Variants in NKAIN3 observed in about 807,000 individuals in gnomAD.
NKAIN3 encodes sodium/potassium-transporting ATPase subunit beta-1-interacting protein 3.
NKAIN3 carries 25 observed loss-of-function variants against 30.2 expected under a neutral mutation model. That is an observed-to-expected ratio of 0.83 (90% CI 0.60 to 1.16). The LOEUF (loss-of-function observed/expected upper bound fraction) is 1.16, where lower values mean the gene tolerates loss of function less well. Among genes scored for constraint, NKAIN3 ranks in the 50% most tolerant of loss-of-function variants. NKAIN3 has a pLI of 0.00. For synonymous variants in NKAIN3, 91 were observed against 89.6 expected (o/e 1.02, Z -0.09); for missense variants, 225 against 254.1 (o/e 0.89, Z 0.78).
At chr8:62,505,407 C>T (rs7007091) in intron 1 of NKAIN3, among the ~76,000 whole-genome samples, 4,748 of 152,114 alleles carry the variant, frequency 0.031, 286 homozygotes, top group African/African-American at 0.11. Context: ...CAAAATTTCT[C>T]CTGGTACTAA....
intron 4 of NKAIN3, among the ~76,000 whole-genome samples, chr8:62,877,349 C>G (rs1353134287): frequency 6.6e-6 from 1 of 152,230 alleles, no homozygotes; most frequent in Non-Finnish European, 1.5e-5. Flanking sequence ...TAGGCGGCCT[C>G]GGAATGGAGG....
intron 4 of NKAIN3, among the ~76,000 whole-genome samples, chr8:62,801,243 C>T (rs1180120908): frequency 6.6e-6 from 1 of 152,232 alleles, no homozygotes; most frequent in Non-Finnish European, 1.5e-5. Flanking sequence ...ATGTCCCTGT[C>T]TGACAGCTTT....
chr8:62,725,258 C>T (rs1242300625), intron 3 of NKAIN3, among the ~76,000 whole-genome samples: 2 of 152,000 alleles, frequency 1.3e-5, no homozygotes, highest in Non-Finnish European at 2.9e-5. Context: ...GCTGTTTGAG[C>T]TCTTTATACA....
At chr8:62,855,472 A>AT (rs1158630917) in intron 4 of NKAIN3, 1 of 1,340,032 alleles carries the variant, frequency 7.5e-7, no homozygotes, top group Non-Finnish European at 1.1e-6. Flanking sequence ...CAAAATCTTC[A>AT]TTATTTTGTT....
intron 5 of NKAIN3, among the ~76,000 whole-genome samples, chr8:62,929,508 G>C (rs1032585889): frequency 3.9e-5 from 6 of 152,156 alleles, no homozygotes; most frequent in African/African-American, 1.4e-4. Flanking sequence ...TAGTCCTAAA[G>C]TCAAAGCCAA....
chr8:62,868,434 A>C (rs1820491590), intron 4 of NKAIN3, among the ~76,000 whole-genome samples: 1 of 151,956 alleles, frequency 6.6e-6, no homozygotes, highest in South Asian at 2.1e-4. Context: ...CATTTATCTG[A>C]ATAATTCAGG....
intron 3 of NKAIN3, among the ~76,000 whole-genome samples, chr8:62,710,020 T>C (rs1396166055): frequency 6.6e-6 from 1 of 152,112 alleles, no homozygotes; most frequent in Non-Finnish European, 1.5e-5. Flanking sequence ...TTCCATGTAT[T>C]TGCATTGTTT....
At chr8:62,593,073 A>G (rs1810708101) in intron 3 of NKAIN3, among the ~76,000 whole-genome samples, 1 of 152,014 alleles carries the variant, frequency 6.6e-6, no homozygotes, top group Non-Finnish European at 1.5e-5. Flanking sequence ...AAAATATTTG[A>G]ACAACACAAA....
intron 1 of NKAIN3, among the ~76,000 whole-genome samples, chr8:62,466,878 G>T (rs369973715): frequency 2.6e-5 from 4 of 151,864 alleles, no homozygotes; most frequent in Non-Finnish European, 4.4e-5. Flanking sequence ...AATTGAAAAG[G>T]CATTACTACT....
chr8:62,563,942 G>A (rs911357333), intron 1 of NKAIN3, among the ~76,000 whole-genome samples: 4 of 152,094 alleles, frequency 2.6e-5, no homozygotes, highest in African/African-American at 7.2e-5. Flanking sequence ...AGTCACTTAA[G>A]TGCACAACCG....
chr8:62,434,150 T>C (rs1458488179), intron 1 of NKAIN3, among the ~76,000 whole-genome samples: 1 of 152,176 alleles, frequency 6.6e-6, no homozygotes, highest in African/African-American at 2.4e-5. Context: ...AGAAGTAGTC[T>C]GATGGAGACT....
At chr8:62,873,640 G>C (rs1820711671) in intron 4 of NKAIN3, among the ~76,000 whole-genome samples, 1 of 151,278 alleles carries the variant, frequency 6.6e-6, no homozygotes, top group African/African-American at 2.4e-5. Flanking sequence ...CAGTATCTCA[G>C]ACCACAGTAT....
intron 4 of NKAIN3, among the ~76,000 whole-genome samples, chr8:62,889,836 G>A (rs189465176): frequency 3.3e-5 from 5 of 152,144 alleles, no homozygotes; most frequent in South Asian, 2.1e-4. Context: ...TGGGATGAGC[G>A]TGGCATAACT....
At chr8:62,334,482 T>G (rs975046640) in intron 1 of NKAIN3, among the ~76,000 whole-genome samples, 1 of 152,114 alleles carries the variant, frequency 6.6e-6, no homozygotes, top group Non-Finnish European at 1.5e-5. Context: ...CATAATCCAG[T>G]AAGACTTTAC....
At chr8:62,426,113 G>A (rs1804798889) in intron 1 of NKAIN3, among the ~76,000 whole-genome samples, 1 of 151,956 alleles carries the variant, frequency 6.6e-6, no homozygotes, top group Non-Finnish European at 1.5e-5. Flanking sequence ...GACTGGAAAT[G>A]TCAAGTCAAT....
intron 5 of NKAIN3, among the ~76,000 whole-genome samples, chr8:62,995,611 T>C (rs933373967): frequency 6.6e-6 from 1 of 151,998 alleles, no homozygotes; most frequent in Non-Finnish European, 1.5e-5. Context: ...ATGGAGGAAA[T>C]GGTAAACACA....
chr8:62,326,323 C>T (rs1815127649), intron 1 of NKAIN3, among the ~76,000 whole-genome samples: 1 of 151,766 alleles, frequency 6.6e-6, no homozygotes, highest in Admixed American at 6.6e-5. Flanking sequence ...CCTTACTGTA[C>T]ATTTGTTACT....
At chr8:62,914,777 C>CT (rs34474788) in intron 4 of NKAIN3, among the ~76,000 whole-genome samples, 4,781 of 112,118 alleles carry the variant, frequency 0.043, 151 homozygotes, top group African/African-American at 0.091. Context: ...TTACTGTAAT[C>CT]TTTTTTTTTT....
chr8:62,737,683 G>T lies in NKAIN3; in HGVS notation c.274-9249G>T, dbSNP rs137913569. Among the ~76,000 whole-genome samples, 394 of 152,244 alleles carry T rather than the reference G, an allele frequency of 2.6e-3. 2 individuals carry two copies. The highest frequency in any genetic ancestry group is 9.0e-3 in the African/African-American group (372 of 41,542). On this transcript the variant is annotated intron_variant, in intron 3 of 6. Coordinates refer to ENST00000623646, the MANE Select transcript of NKAIN3 (RefSeq NM_001304533.3). ...AGCTGATCTGAGTGCAATGGTTTTG[G>T]CACCCATCAAGTGGAAAATATCCTC...
Sources: gnomAD v4.1 joint callset for allele counts (sites outside exome capture counted in the v4.1 genomes callset) on GRCh38, gnomAD v4.1.1 for gene constraint, MANE v1.5 for transcripts, NCBI Gene and HGNC (gene_info 2026-07-23, HGNC 2026-07-21) for gene names.